Variants in CNTNAP2 observed in about 807,000 individuals in gnomAD.
CNTNAP2 encodes the protein contactin associated protein 2.
CNTNAP2 carries 98 observed loss-of-function variants against 155.2 expected under a neutral mutation model. That is an observed-to-expected ratio of 0.63 (90% CI 0.54 to 0.75). The LOEUF is 0.75. CNTNAP2 is among the 30% of genes least tolerant of loss of function. CNTNAP2 has a pLI of 0.00. For synonymous variants in CNTNAP2, 651 were observed against 631.2 expected, an observed-to-expected ratio of 1.03 and a Z score of -0.47; for missense variants, 1,727 against 1,688.1, an observed-to-expected ratio of 1.02 and a Z score of -0.40.
chr7:147,615,790 C>T (rs1801278402), intron 12 of CNTNAP2, among the ~76,000 whole-genome samples: 1 of 152,036 alleles, frequency 6.6e-6, no homozygotes, highest in African/African-American at 2.4e-5. Context: ...TTGGAAAGAT[C>T]ATATTACCCA....
At chr7:147,106,907 G>A (rs1304953663) in intron 4 of CNTNAP2, among the ~76,000 whole-genome samples, 2 of 152,154 alleles carry the variant, frequency 1.3e-5, no homozygotes, top group Non-Finnish European at 2.9e-5. Flanking sequence ...AAGTGCCAGA[G>A]AACTAGGACA....
intron 2 of CNTNAP2, among the ~76,000 whole-genome samples, chr7:146,828,021 T>A (rs1044086380): frequency 2.6e-5 from 4 of 152,102 alleles, no homozygotes; most frequent in African/African-American, 7.2e-5. Flanking sequence ...TCTTTAAAGA[T>A]TTTTTGTACA....
chr7:146,875,962 CAAA>C (rs1166787106), intron 3 of CNTNAP2, among the ~76,000 whole-genome samples: 2 of 74,892 alleles, frequency 2.7e-5, no homozygotes, highest in African/African-American at 4.9e-5. Flanking sequence ...AAAAAAAAAA[CAAA>C]AAACAAAAAA....
chr7:147,893,835 G>C (rs1304585344), intron 13 of CNTNAP2, among the ~76,000 whole-genome samples: 4 of 152,168 alleles, frequency 2.6e-5, no homozygotes, highest in Non-Finnish European at 5.9e-5. Flanking sequence ...ACATGTAAAA[G>C]AAGAGGAAGC....
chr7:147,476,928 TTAAAA>T (rs1384817763), intron 10 of CNTNAP2, among the ~76,000 whole-genome samples: 63 of 137,698 alleles, frequency 4.6e-4, no homozygotes, highest in Middle Eastern at 3.8e-3. Flanking sequence ...ACTCTGTCAT[TTAAAA>T]AAAAAAAAAA....
At chr7:147,553,743 T>C (rs889455456) in intron 11 of CNTNAP2, among the ~76,000 whole-genome samples, 15 of 152,056 alleles carry the variant, frequency 9.9e-5, no homozygotes, top group African/African-American at 3.6e-4. Context: ...ATCCCAGCAC[T>C]TTGGGAGGGC....
intron 1 of CNTNAP2, among the ~76,000 whole-genome samples, chr7:146,565,024 A>G (rs546318844): frequency 2.6e-5 from 4 of 152,178 alleles, no homozygotes; most frequent in African/African-American, 7.2e-5. Flanking sequence ...TTCTCCTACT[A>G]TAATATTTCA....
At position 146,340,184 on chromosome 7, in the gene CNTNAP2, A is replaced by C. The variant is rs1584877589; in HGVS notation, c.97+223211A>C. The stretch of plus-strand genomic sequence containing the variant: ...ACTCCGCCTCAAAAAAAAAAAAAAA[A>C]AAAAAAAGAAATACATAGGGTTGAA... On this transcript the variant is annotated intron_variant, in intron 1 of 23. Coordinates refer to ENST00000361727, the MANE Select transcript of CNTNAP2 (RefSeq NM_014141.6). Among the ~76,000 whole-genome samples the C allele has an allele frequency of 2.0e-5, 3 of 149,768 alleles. No homozygotes were observed. The South Asian group carries it at 6.2e-4, about 31-fold the overall frequency.
At chr7:147,230,794 G>C (rs779205882) in intron 8 of CNTNAP2, among the ~76,000 whole-genome samples, 11 of 152,054 alleles carry the variant, frequency 7.2e-5, no homozygotes, top group Non-Finnish European at 1.3e-4. Flanking sequence ...TTGTTTTTGT[G>C]ACTGAACTTT....
chr7:146,585,149 G>A (rs1355364510), intron 1 of CNTNAP2, among the ~76,000 whole-genome samples: 3 of 137,692 alleles, frequency 2.2e-5, no homozygotes, highest in African/African-American at 5.4e-5. Context: ...TTTTTTCGGA[G>A]TCCCACTCTA....
intron 14 of CNTNAP2, among the ~76,000 whole-genome samples, chr7:147,934,032 A>G (rs555302239): frequency 6.6e-6 from 1 of 152,358 alleles, no homozygotes; most frequent in Admixed American, 6.5e-5. Context: ...AGCAAAGAGT[A>G]GAATGCTGGT....
intron 10 of CNTNAP2, among the ~76,000 whole-genome samples, chr7:147,441,987 C>T (rs567627686): frequency 1.4e-4 from 21 of 151,942 alleles, no homozygotes; most frequent in South Asian, 4.2e-4. Flanking sequence ...CTGGGTCCTA[C>T]GCAGCATCTG....
At chr7:146,192,399 T>C (rs149710835) in intron 1 of CNTNAP2, among the ~76,000 whole-genome samples, 456 of 152,112 alleles carry the variant, frequency 3.0e-3, no homozygotes, top group Admixed American at 5.6e-3. Flanking sequence ...GTACCCAAGA[T>C]TGGGTAATTT....
chr7:146,347,745 T>C (rs749469916), intron 1 of CNTNAP2, among the ~76,000 whole-genome samples: 58 of 152,158 alleles, frequency 3.8e-4, no homozygotes, highest in Non-Finnish European at 4.9e-4. Context: ...TTTGTATTTT[T>C]AGTAGAGATG....
chr7:146,338,247 A>G (rs550227678), intron 1 of CNTNAP2, among the ~76,000 whole-genome samples: 1 of 152,162 alleles, frequency 6.6e-6, no homozygotes, highest in South Asian at 2.1e-4. Context: ...AAATGCTGGC[A>G]TTTTCTGTCA....
chr7:147,853,986 C>G (rs1482643114), intron 13 of CNTNAP2, among the ~76,000 whole-genome samples: 1 of 152,094 alleles, frequency 6.6e-6, no homozygotes, highest in African/African-American at 2.4e-5. Flanking sequence ...TTAAAAATGG[C>G]GTTCAAAATT....
At chr7:147,026,904 C>A (rs1399679990) in intron 3 of CNTNAP2, among the ~76,000 whole-genome samples, 4 of 117,782 alleles carry the variant, frequency 3.4e-5, no homozygotes, top group African/African-American at 1.1e-4. Flanking sequence ...TTAGCTTTGT[C>A]TCAGTGCTAA....
intron 10 of CNTNAP2, among the ~76,000 whole-genome samples, chr7:147,438,359 G>A (rs1797585558): frequency 6.6e-6 from 1 of 151,970 alleles, no homozygotes; most frequent in Admixed American, 6.6e-5. Flanking sequence ...TTCAGCATCA[G>A]TTGAAATGAT....
At chr7:147,059,267 T>C (rs922842761) in intron 4 of CNTNAP2, among the ~76,000 whole-genome samples, 7 of 152,206 alleles carry the variant, frequency 4.6e-5, no homozygotes, top group Non-Finnish European at 1.0e-4. Flanking sequence ...TAGTGGTTGA[T>C]GCCATTAAAT....
Sources: gnomAD v4.1 joint callset for allele counts (sites outside exome capture counted in the v4.1 genomes callset) on GRCh38, gnomAD v4.1.1 for gene constraint, MANE v1.5 for transcripts, NCBI Gene and HGNC (gene_info 2026-07-23, HGNC 2026-07-21) for gene names.